The following RFX3 variants were observed in gnomAD, a reference collection of about 807,000 sequenced individuals.
RFX3 encodes transcription factor RFX3.
In RFX3, 14 loss-of-function variants were observed where a neutral mutation model predicts 98.6. The observed-to-expected ratio is 0.14, with a 90% CI of 0.09 to 0.22. The LOEUF (loss-of-function observed/expected upper bound fraction) is 0.22. Ranked by LOEUF, RFX3 falls within the 10% of genes least tolerant of loss-of-function variation. The pLI, the probability that RFX3 is intolerant of heterozygous loss-of-function variation, is 1.00. For missense variants in RFX3, 639 were observed against 926.9 expected, an observed-to-expected ratio of 0.69 and a Z score of 4.03; for synonymous variants, 383 against 328.4, an observed-to-expected ratio of 1.17 and a Z score of -1.80.
rs971069822 is a variant in RFX3 at position 3,219,260 on chromosome 9, A to G, written c.*5782T>C. 3.3e-5 allele frequency: 5 copies of G among 152,186 alleles called. No individual in the cohort carries two copies. The highest frequency in any genetic ancestry group is 1.2e-4 in the African/African-American group (5 of 41,456). 9.4% of individuals were successfully genotyped at this position (152,186 alleles called of 1,614,324 possible). On this transcript the variant is annotated 3_prime_UTR_variant, in exon 17 of 17. Coordinates refer to ENST00000617270, the MANE Select transcript of RFX3 (RefSeq NM_001282116.2). ...AAAACAAGGCGATCGTTTCTTCAAAAATACTAATTTACTGAAGGAAAAATT... is the reference window on the plus strand; with the variant it reads ...AAAACAAGGCGATCGTTTCTTCAAAGATACTAATTTACTGAAGGAAAAATT...
chr9:3,270,002 C>A (rs1432046700), intron 11 of RFX3, among the ~76,000 whole-genome samples: 4 of 150,744 alleles, frequency 2.7e-5, no homozygotes, highest in African/African-American at 9.8e-5. Context: ...AGTGTTCTTA[C>A]AAGTAGTTTA....
intron 4 of RFX3, among the ~76,000 whole-genome samples, chr9:3,326,193 C>CACACATG (rs1435311429): frequency 1.3e-5 from 2 of 151,830 alleles, no homozygotes; most frequent in East Asian, 3.9e-4. Flanking sequence ...TATAATTATA[C>CACACATG]ACACATGGAC....
intron 1 of RFX3, among the ~76,000 whole-genome samples, chr9:3,480,504 C>T (rs550749220): frequency 5.3e-5 from 8 of 152,156 alleles, no homozygotes; most frequent in African/African-American, 9.7e-5. Flanking sequence ...TGACTTCACA[C>T]GAGCATGAAT....
intron 1 of RFX3, among the ~76,000 whole-genome samples, chr9:3,462,955 A>G (rs1363356234): frequency 6.6e-6 from 1 of 152,166 alleles, no homozygotes; most frequent in African/African-American, 2.4e-5. Context: ...TTCGTGGATC[A>G]TAACACCCAA....
At chr9:3,501,305 G>T (rs1779833815) in intron 1 of RFX3, among the ~76,000 whole-genome samples, 1 of 151,886 alleles carries the variant, frequency 6.6e-6, no homozygotes, top group Admixed American at 6.6e-5. Flanking sequence ...TTTTTATCAA[G>T]AATTGTAAAT....
At chr9:3,425,108 C>G (rs1564084422) in intron 1 of RFX3, among the ~76,000 whole-genome samples, 7 of 152,088 alleles carry the variant, frequency 4.6e-5, no homozygotes, top group Admixed American at 1.3e-4. Flanking sequence ...CATGGTGGCC[C>G]ACATCTGTGG....
rs139599036 is a variant in RFX3 at position 3,429,264 on chromosome 9, C to T, written c.-8-33668G>A. On this transcript the variant is annotated intron_variant, in intron 1 of 16. Coordinates refer to ENST00000617270, the MANE Select transcript of RFX3 (RefSeq NM_001282116.2). The stretch of plus-strand genomic sequence containing the variant: ...GTCTCGATCTCCTGACCTCGTGATC[C>T]GCCCGTCTCGGCCTCCCAAAGTGCT... Among the ~76,000 whole-genome samples, 1,334 of 151,048 alleles carry T rather than the reference C, an allele frequency of 8.8e-3. 11 individuals carry two copies. The highest frequency in any genetic ancestry group is 0.024 in the Middle Eastern group (7 of 292).
intron 15 of RFX3, among the ~76,000 whole-genome samples, chr9:3,241,982 G>T (rs1382425649): frequency 3.9e-5 from 6 of 152,208 alleles, no homozygotes; most frequent in Non-Finnish European, 4.4e-5. Context: ...TTGTCAGAGA[G>T]AAAATGTGTG....
intron 2 of RFX3, among the ~76,000 whole-genome samples, chr9:3,360,977 C>A (rs760821575): frequency 6.6e-6 from 1 of 152,128 alleles, no homozygotes; most frequent in Non-Finnish European, 1.5e-5. Flanking sequence ...GCCTTCATTG[C>A]CTTTCACACA....
intron 4 of RFX3, among the ~76,000 whole-genome samples, chr9:3,316,369 C>T (rs1458847385): frequency 1.3e-5 from 2 of 152,062 alleles, no homozygotes; most frequent in Non-Finnish European, 2.9e-5. Flanking sequence ...ATTGATGGGA[C>T]GTATCTCAAA....
intron 1 of RFX3, among the ~76,000 whole-genome samples, chr9:3,438,284 T>C (rs966096441): frequency 4.6e-5 from 7 of 152,140 alleles, no homozygotes; most frequent in African/African-American, 1.4e-4. Context: ...CGAAATGACC[T>C]GTACAAATCC....
At chr9:3,326,956 G>A (rs1205315775) in intron 4 of RFX3, among the ~76,000 whole-genome samples, 6 of 152,110 alleles carry the variant, frequency 3.9e-5, no homozygotes, top group African/African-American at 1.2e-4. Context: ...CACAGTATAT[G>A]CTACTATTGC....
chr9:3,431,940 A>T (rs952488724), intron 1 of RFX3, among the ~76,000 whole-genome samples: 4 of 152,206 alleles, frequency 2.6e-5, no homozygotes, highest in African/African-American at 4.8e-5. Flanking sequence ...CTAGGATTTA[A>T]GGGAGGAAGC....
intron 8 of RFX3, among the ~76,000 whole-genome samples, chr9:3,275,900 C>T (rs917265282): frequency 2.0e-5 from 3 of 151,812 alleles, no homozygotes; most frequent in Non-Finnish European, 4.4e-5. Flanking sequence ...CAACACAAGG[C>T]CCCTATTAAA....
At chr9:3,356,414 A>C (rs1563978704) in intron 2 of RFX3, among the ~76,000 whole-genome samples, 1 of 151,850 alleles carries the variant, frequency 6.6e-6, no homozygotes. Context: ...AAATGGAAAA[A>C]GTTTATAAAA....
intron 1 of RFX3, among the ~76,000 whole-genome samples, chr9:3,515,754 G>A (rs1476757875): frequency 6.6e-6 from 1 of 152,162 alleles, no homozygotes; most frequent in Non-Finnish European, 1.5e-5. Flanking sequence ...ATATTTTAAA[G>A]ATGAAAGTTA....
chr9:3,373,293 T>C (rs551058756), intron 2 of RFX3, among the ~76,000 whole-genome samples: 2 of 152,286 alleles, frequency 1.3e-5, no homozygotes, highest in South Asian at 4.2e-4. Flanking sequence ...CGGAAGTCCA[T>C]CTTTTGGCAG....
At chr9:3,443,697 T>C (rs1364048900) in intron 1 of RFX3, among the ~76,000 whole-genome samples, 1 of 152,194 alleles carries the variant, frequency 6.6e-6, no homozygotes, top group Non-Finnish European at 1.5e-5. Context: ...ATAGAATGAT[T>C]TATATTCCCT....
intron 1 of RFX3, among the ~76,000 whole-genome samples, chr9:3,500,470 AC>A (rs1195584543): frequency 1.3e-5 from 2 of 152,158 alleles, no homozygotes; most frequent in East Asian, 3.8e-4. Context: ...CCTTCTTAAA[AC>A]AAATGCAACT....
Sources: gnomAD v4.1 joint callset for allele counts (sites outside exome capture counted in the v4.1 genomes callset) on GRCh38, gnomAD v4.1.1 for gene constraint, MANE v1.5 for transcripts, NCBI Gene and HGNC (gene_info 2026-07-23, HGNC 2026-07-21) for gene names.